TACR1: variants seen among roughly 807,000 people sequenced by gnomAD.
TACR1 encodes substance-P receptor.
TACR1 carries 25 observed loss-of-function variants against 35.8 expected under a neutral mutation model. The ratio of observed to expected loss-of-function variants is 0.70; its 90% CI spans 0.51 to 0.98. The LOEUF (loss-of-function observed/expected upper bound fraction) is 0.98, where lower values mean the gene tolerates loss of function less well. TACR1 is among the 50% of genes least tolerant of loss of function. The pLI, the probability that TACR1 is intolerant of heterozygous loss-of-function variation, is 0.00. For missense variants in TACR1, 478 were observed against 522.9 expected (o/e 0.91, Z 0.84); for synonymous variants, 195 against 206.7 (o/e 0.94, Z 0.48).
intron 1 of TACR1, chr2:75,187,068 T>G (rs1323861959): frequency 3.3e-5 from 5 of 152,296 alleles, no homozygotes; most frequent in African/African-American, 1.2e-4. Context: ...AATTCACTGA[T>G]GAAGATGCAG....
intron 2 of TACR1, among the ~76,000 whole-genome samples, chr2:75,071,199 T>C (rs1672871672): frequency 6.6e-6 from 1 of 152,188 alleles, no homozygotes; most frequent in African/African-American, 2.4e-5. Flanking sequence ...TGTTGATCCC[T>C]GCTGTAAGGG....
chr2:75,198,513 A>C (rs983577330), intron 1 of TACR1, 33 bp downstream of exon 1: 20 of 1,601,270 alleles, frequency 1.2e-5, no homozygotes, highest in Non-Finnish European at 1.5e-5. Context: ...CTCTATGAGC[A>C]CTTTCTCGCC....
chr2:75,085,496 C>T (rs140524125), intron 2 of TACR1, among the ~76,000 whole-genome samples: 279 of 152,294 alleles, frequency 1.8e-3, no homozygotes, highest in African/African-American at 6.3e-3. Flanking sequence ...TCCAATCTTG[C>T]AAAAGATTGT....
chr2:75,068,948 C>T (rs749251983), intron 2 of TACR1, among the ~76,000 whole-genome samples: 2 of 152,126 alleles, frequency 1.3e-5, no homozygotes, highest in Non-Finnish European at 1.5e-5. Flanking sequence ...TGGCTGTGTC[C>T]CCACCCAAAT....
At chr2:75,095,157 C>T (rs1292338270) in intron 2 of TACR1, among the ~76,000 whole-genome samples, 1 of 152,006 alleles carries the variant, frequency 6.6e-6, no homozygotes, top group Non-Finnish European at 1.5e-5. Context: ...CTGAAAATGT[C>T]TGGTATCTGT....
intron 2 of TACR1, among the ~76,000 whole-genome samples, chr2:75,082,880 A>G (rs552314168): frequency 3.6e-4 from 54 of 152,036 alleles, no homozygotes; most frequent in South Asian, 6.2e-4. Context: ...TAGGTTGCCT[A>G]TTCACTCTGA....
chr2:75,156,602 C>CA (rs58048867), intron 1 of TACR1, among the ~76,000 whole-genome samples: 33,529 of 107,992 alleles, frequency 0.31, 5,402 homozygotes, highest in East Asian at 0.37. Context: ...GACTCCGTCT[C>CA]AAAAAAAAAA....
At chr2:75,178,269 C>T (rs10175375) in intron 1 of TACR1, among the ~76,000 whole-genome samples, 6,021 of 151,962 alleles carry the variant, frequency 0.04, 422 homozygotes, top group African/African-American at 0.14. Context: ...ACTGCAACCT[C>T]TGCCTCCTGG....
chr2:75,154,981 G>A (rs949878573), intron 1 of TACR1, among the ~76,000 whole-genome samples: 1 of 152,022 alleles, frequency 6.6e-6, no homozygotes, highest in Admixed American at 6.5e-5. Context: ...TCTCCTTTGC[G>A]TCTCCAAATT....
chr2:75,155,457 A>C (rs749055346), intron 1 of TACR1, among the ~76,000 whole-genome samples: 3 of 149,644 alleles, frequency 2.0e-5, no homozygotes, highest in African/African-American at 7.4e-5. Context: ...CTACCTCTCT[A>C]ATGTCCACAA....
chr2:75,099,092 T>A (rs142741746), intron 2 of TACR1, among the ~76,000 whole-genome samples: 91 of 152,112 alleles, frequency 6.0e-4, no homozygotes, highest in Non-Finnish European at 1.3e-3. Flanking sequence ...CTGCTGTCAC[T>A]CTCCAGCCTC....
In TACR1 at chr2:75,167,542, T is replaced by G. The variant is rs375418785; in HGVS notation, c.389+31004A>C. On this transcript the variant is annotated intron_variant, in intron 1 of 4. Coordinates refer to ENST00000305249, the MANE Select transcript of TACR1 (RefSeq NM_001058.4). Reference sequence around the variant, plus strand: ...ATAAAGTACCATGACATTATAAATTTATGGAAAAGAGAAACATTTGCCAAG... The same window carrying G: ...ATAAAGTACCATGACATTATAAATTGATGGAAAAGAGAAACATTTGCCAAG... Among the ~76,000 whole-genome samples the G allele has an allele frequency of 2.0e-5, 3 of 152,208 alleles. No homozygotes were observed. The East Asian group carries it at 5.8e-4, about 29-fold the overall frequency.
intron 1 of TACR1, among the ~76,000 whole-genome samples, chr2:75,196,059 A>G (rs1675964151): frequency 6.6e-6 from 1 of 152,188 alleles, no homozygotes. Flanking sequence ...TCTGCAGTGA[A>G]CAGGTTTAAT....
intron 2 of TACR1, among the ~76,000 whole-genome samples, chr2:75,069,243 C>T (rs540545460): frequency 2.6e-5 from 4 of 152,128 alleles, no homozygotes; most frequent in Admixed American, 1.3e-4. Flanking sequence ...CTATAAATTA[C>T]GCAGTCTTGG....
chr2:75,076,732 C>T (rs1044229513), intron 2 of TACR1, among the ~76,000 whole-genome samples: 1 of 152,158 alleles, frequency 6.6e-6, no homozygotes, highest in African/African-American at 2.4e-5. Context: ...CAACGTTAGC[C>T]AAGGTGCTGC....
intron 1 of TACR1, among the ~76,000 whole-genome samples, chr2:75,177,198 C>A (rs1316086561): frequency 6.6e-6 from 1 of 152,032 alleles, no homozygotes; most frequent in East Asian, 1.9e-4. Context: ...CATCTGCCTG[C>A]TGCACCATGT....
At chr2:75,089,180 C>T (rs1673252712) in intron 2 of TACR1, among the ~76,000 whole-genome samples, 1 of 152,242 alleles carries the variant, frequency 6.6e-6, no homozygotes, top group Admixed American at 6.5e-5. Context: ...TCCTGGAGAT[C>T]ATAGCTGTCA....
intron 2 of TACR1, among the ~76,000 whole-genome samples, chr2:75,056,460 C>T (rs1672570604): frequency 6.6e-6 from 1 of 152,210 alleles, no homozygotes; most frequent in Non-Finnish European, 1.5e-5. Flanking sequence ...TTATTCAAAC[C>T]AGCCAATCTT....
chr2:75,198,801 G>T lies in TACR1; in HGVS notation c.134C>A (p.Thr45Asn), dbSNP rs758398511. Residue 45 changes from threonine to asparagine, a missense_variant, in exon 1 of 5, where the codon ACC (threonine) becomes AAC (asparagine). Physicochemically the swap from Thr to Asn is moderately conservative, Grantham distance 65. Coordinates refer to ENST00000305249, the MANE Select transcript of TACR1 (RefSeq NM_001058.4). ...CACTACCACGTTGCCCACCACAGAG[G>T]TCACCACAATGACCGTGTAGGCAGC... ...WAAAYTVIVV[T>N]SVVGNVVVMW... 3.1e-6 allele frequency: 5 copies of T among 1,614,076 alleles called. No homozygotes were observed. In the East Asian group the frequency reaches 6.7e-5, roughly 22 times the overall value.
Sources: allele counts gnomAD v4.1 joint callset (sites outside exome capture counted in the v4.1 genomes callset), GRCh38; gene constraint gnomAD v4.1.1; transcripts MANE v1.5; gene names NCBI Gene and HGNC (gene_info 2026-07-23, HGNC 2026-07-21).